CDH23: variants seen among roughly 807,000 people sequenced by gnomAD.
CDH23 encodes cadherin-23.
Under a neutral mutation model 317.1 loss-of-function variants are expected in CDH23, and 189 were observed. That is an observed-to-expected ratio of 0.60 (90% CI 0.53 to 0.67). The LOEUF (loss-of-function observed/expected upper bound fraction) is 0.67, where lower values mean the gene tolerates loss of function less well. Ranked by LOEUF, CDH23 falls within the 30% of genes least tolerant of loss-of-function variation. The pLI is 0.00. For missense variants in CDH23, 4,401 were observed against 4,592.4 expected (o/e 0.96, Z 1.20); for synonymous variants, 1,839 against 1,876.8 (o/e 0.98, Z 0.52).
At chr10:71,515,867 T>C (rs984394124) in intron 6 of CDH23, among the ~76,000 whole-genome samples, 1 of 152,238 alleles carries the variant, frequency 6.6e-6, no homozygotes, top group Non-Finnish European at 1.5e-5. Context: ...AATAAGTGAA[T>C]GTCTAACTAC....
chr10:71,741,504 G>T (rs1839731221), intron 37 of CDH23, among the ~76,000 whole-genome samples, 190 bp from the exon 38 acceptor site: 1 of 152,194 alleles, frequency 6.6e-6, no homozygotes, highest in African/African-American at 2.4e-5. Flanking sequence ...GTTAATGCAG[G>T]CCCCAGCATA....
chr10:71,479,770 G>A (rs1811464953), intron 3 of CDH23, among the ~76,000 whole-genome samples: 1 of 152,130 alleles, frequency 6.6e-6, no homozygotes, highest in Non-Finnish European at 1.5e-5. Context: ...GGGAAGGGAA[G>A]GGGAGGATGC....
At chr10:71,645,234 G>A (rs1001164570) in intron 12 of CDH23, among the ~76,000 whole-genome samples, 1 of 152,172 alleles carries the variant, frequency 6.6e-6, no homozygotes, top group Non-Finnish European at 1.5e-5. Context: ...GGGATCCTGG[G>A]CCCCCCGGGA....
At chr10:71,778,739 TAGA>T (rs1406598508) in intron 40 of CDH23, among the ~76,000 whole-genome samples, 4 of 152,138 alleles carry the variant, frequency 2.6e-5, no homozygotes, top group Non-Finnish European at 5.9e-5. Flanking sequence ...CAGCAACAAA[TAGA>T]AGTTTATGGG....
At chr10:71,485,322 G>A (rs1348039311) in intron 3 of CDH23, among the ~76,000 whole-genome samples, 1 of 152,142 alleles carries the variant, frequency 6.6e-6, no homozygotes, top group African/African-American at 2.4e-5. Flanking sequence ...ACTGCGCCTG[G>A]CTGGGTGTGT....
At chr10:71,754,919 G>C (rs1400733707) in intron 38 of CDH23, among the ~76,000 whole-genome samples, 1 of 152,192 alleles carries the variant, frequency 6.6e-6, no homozygotes, top group African/African-American at 2.4e-5. Flanking sequence ...AAAGGGTTGA[G>C]CTAAGTTGTC....
chr10:71,721,328 C>T (rs1866545771), intron 28 of CDH23, among the ~76,000 whole-genome samples: 1 of 152,182 alleles, frequency 6.6e-6, no homozygotes, highest in Non-Finnish European at 1.5e-5. Flanking sequence ...CAGCCATCCC[C>T]AGCTCTGGCA....
intron 6 of CDH23, among the ~76,000 whole-genome samples, chr10:71,558,253 G>C (rs1193582324): frequency 6.6e-6 from 1 of 152,168 alleles, no homozygotes; most frequent in Non-Finnish European, 1.5e-5. Context: ...ACCTGCCTCG[G>C]CCTCCCAAAG....
chr10:71,603,650 C>G (rs2132482642), intron 9 of CDH23, among the ~76,000 whole-genome samples: 1 of 152,348 alleles, frequency 6.6e-6, no homozygotes, highest in Non-Finnish European at 1.5e-5. Context: ...TTTTCCTCAC[C>G]TTGCTCACCT....
intron 9 of CDH23, among the ~76,000 whole-genome samples, chr10:71,611,233 C>T (rs906099129): frequency 6.6e-6 from 1 of 152,124 alleles, no homozygotes; most frequent in Non-Finnish European, 1.5e-5. Flanking sequence ...GTGAAGGGAG[C>T]GAGGCAGGGA....
In CDH23 at chr10:71,732,289, A is replaced by T; in HGVS notation, c.4018A>T (p.Ile1340Phe). 2 of 1,612,870 alleles carry T rather than the reference A, an allele frequency of 1.2e-6. No individual in the cohort carries two copies. Among genetic ancestry groups the T allele is most frequent in the Non-Finnish European group, 1.7e-6 (2 of 1,179,386 alleles). The change falls in exon 32 of 70, where the codon ATC (isoleucine) becomes TTC (phenylalanine). Residue 1340 changes from isoleucine (I) to phenylalanine (F), a missense_variant. Around this residue, in one of 3 missense-constraint regions of CDH23, gnomAD observed 3,068 missense variants for 3,203.3 expected, o/e 0.96. Transcript: ENST00000224721. ...GATTGTGCGGGTCCAGGCCTACTCC[A>T]TCGACAACCTCAACCAAATCACGTA... The part of the protein sequence containing the change: ...TEIVRVQAYS[I>F]DNLNQITYRF...
Position 71,587,627 on chromosome 10 carries a change from C to T in CDH23, c.832+9635C>T, listed in dbSNP as rs146537174. 3.8e-3 allele frequency among the ~76,000 whole-genome samples: 585 copies of T among 152,342 alleles called. 7 individuals carry two copies. Among genetic ancestry groups the T allele is most frequent in the African/African-American group, 0.013 (540 of 41,574 alleles). ...GAAGGCTGGACCAGGGAAATTTCAG[C>T]TGCCTGCATCCACCTTTCCAGGTTA... On this transcript the variant is annotated intron_variant, in intron 9 of 69. Transcript: ENST00000224721.
intron 64 of CDH23, 27 bp from the exon 65 acceptor site, chr10:71,811,686 C>T (rs756847065): frequency 6.2e-7 from 1 of 1,612,676 alleles, no homozygotes; most frequent in African/African-American, 1.3e-5. Context: ...TGGCCCCCCT[C>T]ACCAGCCCCT....
chr10:71,612,250 G>GTGTGTA (rs745876693), intron 9 of CDH23, among the ~76,000 whole-genome samples: 1 of 151,122 alleles, frequency 6.6e-6, no homozygotes, highest in Non-Finnish European at 1.5e-5. Context: ...GTGTGTGTGT[G>GTGTGTA]TATGTATGTG....
At chr10:71,422,050 C>A (rs1033601276) in intron 1 of CDH23, among the ~76,000 whole-genome samples, 2 of 152,168 alleles carry the variant, frequency 1.3e-5, no homozygotes, top group Admixed American at 1.3e-4. Flanking sequence ...AGGGAGGATG[C>A]TATAAAGCAC....
At chr10:71,497,551 C>T (rs7069511) in intron 3 of CDH23, among the ~76,000 whole-genome samples, 2,608 of 152,268 alleles carry the variant, frequency 0.017, 60 homozygotes, top group African/African-American at 0.054. Flanking sequence ...GCTGGCTCTG[C>T]GGTAGCTCAT....
chr10:71,631,469 G>A (rs1189469896), intron 11 of CDH23, among the ~76,000 whole-genome samples: 1 of 152,172 alleles, frequency 6.6e-6, no homozygotes, highest in Non-Finnish European at 1.5e-5. Context: ...GGAGGGAGTG[G>A]AGTGTGCAGG....
intron 6 of CDH23, among the ~76,000 whole-genome samples, chr10:71,553,655 A>G (rs1856723035): frequency 6.6e-6 from 1 of 152,252 alleles, no homozygotes; most frequent in African/African-American, 2.4e-5. Context: ...CTTCTTATTC[A>G]GAATCCATTT....
intron 14 of CDH23, among the ~76,000 whole-genome samples, chr10:71,666,069 G>A (rs1863878956): frequency 6.6e-6 from 1 of 152,130 alleles, no homozygotes; most frequent in South Asian, 2.1e-4. Context: ...GTCCACAATG[G>A]AACAAAAGGG....
Sources: allele counts gnomAD v4.1 joint callset (sites outside exome capture counted in the v4.1 genomes callset), GRCh38; gene constraint gnomAD v4.1.1; regional missense constraint gnomAD v4.1.1; transcripts MANE v1.5; gene names NCBI Gene and HGNC (gene_info 2026-07-23, HGNC 2026-07-21).